CWH43: variants seen among roughly 807,000 people sequenced by gnomAD.
CWH43 encodes the protein cell wall biogenesis 43 C-terminal homolog.
A neutral mutation model predicts 85.7 loss-of-function variants in CWH43; 91 were observed. The observed-to-expected ratio is 1.06, with a 90% confidence interval of 0.90 to 1.26. The LOEUF is 1.26. Among genes scored for constraint, CWH43 ranks in the 50% most tolerant of loss-of-function variants. The pLI, the probability that CWH43 is intolerant of heterozygous loss-of-function variation, is 0.00. For synonymous variants in CWH43, 323 were observed against 293.6 expected (o/e 1.10, Z -1.02); for missense variants, 869 against 839.2 (o/e 1.04, Z -0.44).
At chr4:49,048,563 C>T (rs982534629) in intron 14 of CWH43, among the ~76,000 whole-genome samples, 1 of 151,940 alleles carries the variant, frequency 6.6e-6, no homozygotes, top group Non-Finnish European at 1.5e-5. Context: ...GGGTTGGTGT[C>T]TGGTTAGGAC....
rs112552892 is a variant in CWH43 at position 49,049,330 on chromosome 4, T to C, written c.1866-1364T>C. 1.5e-3 allele frequency among the ~76,000 whole-genome samples: 232 copies of C among 152,248 alleles called. 2 individuals are homozygous for C. The highest frequency in any genetic ancestry group is 5.3e-3 in the African/African-American group (220 of 41,520). Reference sequence around the variant, plus strand: ...TCTATTTTGCATGGAGTTACAGGCATAGGCTTTGTTTTAAGTTTTTCTCTT... The same window carrying C: ...TCTATTTTGCATGGAGTTACAGGCACAGGCTTTGTTTTAAGTTTTTCTCTT... On this transcript the variant is annotated intron_variant, in intron 14 of 15. Coordinates refer to ENST00000226432, the MANE Select transcript of CWH43 (RefSeq NM_025087.3).
chr4:48,995,419 C>A (rs1226693462), intron 5 of CWH43, among the ~76,000 whole-genome samples: 2 of 152,200 alleles, frequency 1.3e-5, no homozygotes, highest in African/African-American at 4.8e-5. Flanking sequence ...CCTGACACAT[C>A]TTTTCTCTTG....
intron 13 of CWH43, among the ~76,000 whole-genome samples, chr4:49,044,201 C>T (rs1245339429): frequency 2.6e-5 from 4 of 151,898 alleles, no homozygotes; most frequent in Non-Finnish European, 5.9e-5. Flanking sequence ...GAATAATAAC[C>T]CTGGTCCCAA....
chr4:49,007,145 C>T lies in CWH43; in HGVS notation c.1061-56C>T, dbSNP rs954293847. ...GGAACTCTCAGCTGCTGGAATACAA[C>T]ATTGGAAGGATTTTTGGATCAGACT... On this transcript the variant is annotated intron_variant, in intron 7 of 15. Coordinates refer to ENST00000226432, the MANE Select transcript of CWH43 (RefSeq NM_025087.3). The T allele has an allele frequency of 7.1e-6, 11 of 1,546,750 alleles. No homozygotes were observed. In the African/African-American group the frequency reaches 1.4e-4, roughly 19 times the overall value.
chr4:49,021,989 C>T (rs1484405030), intron 9 of CWH43, among the ~76,000 whole-genome samples: 2 of 152,084 alleles, frequency 1.3e-5, no homozygotes, highest in African/African-American at 4.8e-5. Context: ...ACCATTATGT[C>T]ATCTGCAAAC....
chr4:49,061,521 C>T (rs1357077835), intron 15 of CWH43, among the ~76,000 whole-genome samples: 4 of 152,122 alleles, frequency 2.6e-5, no homozygotes, highest in Non-Finnish European at 5.9e-5. Context: ...TTAATGGCCC[C>T]TTTGCCTATA....
intron 4 of CWH43, among the ~76,000 whole-genome samples, chr4:48,993,605 A>G (rs1267643491): frequency 6.6e-6 from 1 of 152,138 alleles, no homozygotes; most frequent in African/African-American, 2.4e-5. Flanking sequence ...TCCAGTTGTT[A>G]CAGTTTTGTG....
intron 15 of CWH43, among the ~76,000 whole-genome samples, chr4:49,053,583 C>T (rs1486427640): frequency 6.6e-6 from 1 of 152,102 alleles, no homozygotes; most frequent in African/African-American, 2.4e-5. Flanking sequence ...ACTTGGATGT[C>T]TTCTTTTGAG....
intron 13 of CWH43, among the ~76,000 whole-genome samples, chr4:49,043,202 GA>G (rs1194142082): frequency 6.6e-6 from 1 of 152,182 alleles, no homozygotes; most frequent in Non-Finnish European, 1.5e-5. Flanking sequence ...TGAAATAGAA[GA>G]TAACATCTGC....
chr4:49,050,215 C>T (rs1784750541), intron 14 of CWH43, among the ~76,000 whole-genome samples: 2 of 152,148 alleles, frequency 1.3e-5, no homozygotes, highest in Admixed American at 6.5e-5. Context: ...CATTGAATTT[C>T]CCCAGGAATT....
chr4:48,995,112 C>T (rs1024198681), intron 5 of CWH43, among the ~76,000 whole-genome samples: 6 of 152,186 alleles, frequency 3.9e-5, no homozygotes, highest in African/African-American at 1.4e-4. Flanking sequence ...AATGCCTGCA[C>T]AGAAGAGCAT....
intron 15 of CWH43, among the ~76,000 whole-genome samples, chr4:49,058,134 AG>A (rs1266944139): frequency 2.0e-5 from 3 of 152,176 alleles, no homozygotes; most frequent in African/African-American, 7.2e-5. Flanking sequence ...TGCCATTTAA[AG>A]AATTGTTTTC....
intron 12 of CWH43, among the ~76,000 whole-genome samples, chr4:49,037,296 C>T (rs557907937): frequency 4.6e-5 from 7 of 152,272 alleles, no homozygotes; most frequent in African/African-American, 7.2e-5. Context: ...TTGGGCTGGG[C>T]GCAGTGGCTC....
intron 8 of CWH43, among the ~76,000 whole-genome samples, chr4:49,015,121 T>C (rs1783501971): frequency 6.6e-6 from 1 of 152,174 alleles, no homozygotes; most frequent in African/African-American, 2.4e-5. Context: ...ATTTTTGTCT[T>C]TTAAGGGTTT....
chr4:48,989,372 G>A (rs1456840550), intron 2 of CWH43, among the ~76,000 whole-genome samples: 1 of 152,138 alleles, frequency 6.6e-6, no homozygotes, highest in Non-Finnish European at 1.5e-5. Context: ...TACATTGCTT[G>A]TGCGAGTGTC....
In CWH43 at chr4:48,988,794, C is replaced by G. The variant is rs2109736913; in HGVS notation, c.235+126C>G. 4.8e-6 allele frequency: 3 copies of G among 630,762 alleles called. No individual in the cohort carries two copies. In the East Asian group the frequency reaches 8.9e-5, roughly 19 times the overall value. 39.1% of individuals were successfully genotyped at this position (630,762 alleles called of 1,614,324 possible). A position where few individuals can be genotyped will look rare whatever the true frequency, so the allele number is the denominator to read the frequency against. ...AATCAAAGATTTCTCTTTTCCTTAC[C>G]ACTGCCTTAGAAGAGCTTTAGTAAT... On this transcript the variant is annotated intron_variant, in intron 2 of 15. Coordinates refer to ENST00000226432, the MANE Select transcript of CWH43 (RefSeq NM_025087.3).
At chr4:49,037,181 C>T (rs1784287069) in intron 12 of CWH43, among the ~76,000 whole-genome samples, 1 of 152,128 alleles carries the variant, frequency 6.6e-6, no homozygotes, top group Non-Finnish European at 1.5e-5. Context: ...GATGTACCCA[C>T]CTAAGTATCT....
intron 15 of CWH43, among the ~76,000 whole-genome samples, chr4:49,054,952 ATAGGGACAATT>A (rs1784908440): frequency 6.6e-6 from 1 of 152,072 alleles, no homozygotes; most frequent in African/African-American, 2.4e-5. Context: ...TCACCTGCAA[ATAGGGACAATT>A]TAACTTTTTC....
chr4:49,052,122 A>G (rs1784819014), intron 15 of CWH43, among the ~76,000 whole-genome samples: 1 of 152,176 alleles, frequency 6.6e-6, no homozygotes, highest in South Asian at 2.1e-4. Context: ...CCTCCTTACA[A>G]CAAGAAAAAA....
Sources: gnomAD v4.1 joint callset for allele counts (sites outside exome capture counted in the v4.1 genomes callset) on GRCh38, gnomAD v4.1.1 for gene constraint, MANE v1.5 for transcripts, NCBI Gene and HGNC (gene_info 2026-07-23, HGNC 2026-07-21) for gene names.